UBE4B: variants seen among roughly 807,000 people sequenced by gnomAD.
The protein encoded by UBE4B is ubiquitin conjugation factor E4 B.
UBE4B carries 27 observed loss-of-function variants against 148.1 expected under a neutral mutation model. The observed-to-expected ratio is 0.18, with a 90% CI of 0.13 to 0.25. UBE4B has a LOEUF of 0.25. UBE4B is among the 10% of genes least tolerant of loss of function. The pLI is 1.00. For missense variants in UBE4B, 1,170 were observed against 1,662.4 expected, an observed-to-expected ratio of 0.70 and a Z score of 5.15; for synonymous variants, 596 against 619.3, an observed-to-expected ratio of 0.96 and a Z score of 0.56.
chr1:10,072,433 A>G, intron 2 of UBE4B: 1 of 652,370 alleles, frequency 1.5e-6, no homozygotes, highest in South Asian at 1.8e-5. Context: ...CATAACTTCC[A>G]TCTTTTTTTT....
intron 20 of UBE4B, among the ~76,000 whole-genome samples, chr1:10,150,977 T>C (rs373180782): frequency 0.029 from 4,358 of 149,336 alleles, 215 homozygotes; most frequent in African/African-American, 0.1. Flanking sequence ...CTGGCTAACA[T>C]GGTGAAACCC....
At position 10,072,164 on chromosome 1, in the gene UBE4B, G is replaced by T. The variant is rs1254275488; in HGVS notation, c.161G>T (p.Gly54Val). The change falls in exon 2 of 28, where the codon GGT becomes GTT. Residue 54 changes from glycine (G) to valine (V), a missense_variant. Transcript: ENST00000343090. ...ASAPGPSQSL[G>V]LNVHNMTPAT... ...GCCCCAGGACCCTCTCAGAGTCTTG[G>T]TCTCAATGTCCACAACATGACCCCA... 1.9e-6 allele frequency: 3 copies of T among 1,613,898 alleles called. No individual in the cohort carries two copies. Among genetic ancestry groups the T allele is most frequent in the East Asian group, 4.5e-5 (2 of 44,856 alleles).
At chr1:10,065,334 A>G (rs1570810218) in intron 1 of UBE4B, among the ~76,000 whole-genome samples, 1 of 152,142 alleles carries the variant, frequency 6.6e-6, no homozygotes. Context: ...TTATGGGGCA[A>G]GTGGCGGGAG....
At position 10,131,538 on chromosome 1, in the gene UBE4B, G is replaced by A. The variant is rs141125743; in HGVS notation, c.1911+725G>A. Among the ~76,000 whole-genome samples the A allele has an allele frequency of 2.2e-3, 334 of 151,798 alleles. 2 individuals are homozygous for A. Among genetic ancestry groups the A allele is most frequent in the African/African-American group, 8.0e-3 (331 of 41,476 alleles). Reference sequence around the variant, plus strand: ...AGGCTTGGGTAACTAAGGTAATTTTGATCATGGGAAAGAAGTAACAAAGCC... The same window carrying A: ...AGGCTTGGGTAACTAAGGTAATTTTAATCATGGGAAAGAAGTAACAAAGCC... On this transcript the variant is annotated intron_variant, in intron 14 of 27. Transcript: ENST00000343090.
At position 10,130,770 on chromosome 1, in the gene UBE4B, G is replaced by A. The variant is rs760112995; in HGVS notation, c.1868G>A (p.Arg623His). 5.6e-6 allele frequency: 9 copies of A among 1,614,132 alleles called. No homozygotes were observed. Among genetic ancestry groups the A allele is most frequent in the South Asian group, 1.1e-5 (1 of 91,084 alleles). Reference protein sequence around the residue: ...SGPAITLENTRVVSQSLQHYL... With the variant: ...SGPAITLENTHVVSQSLQHYL... ...CCTGCCATTACCCTGGAAAACACTCGTGTGGTTAGCCAATCATTGCAGCAT... is the reference window on the plus strand; with the variant it reads ...CCTGCCATTACCCTGGAAAACACTCATGTGGTTAGCCAATCATTGCAGCAT... Residue 623 changes from arginine (R) to histidine (H), a missense_variant, in exon 14 of 28, where the codon CGT (arginine) becomes CAT (histidine). Around this residue, in one of 6 missense-constraint regions of UBE4B, gnomAD observed 388 missense variants for 536.0 expected, o/e 0.72. Coordinates refer to ENST00000343090, the MANE Select transcript of UBE4B (RefSeq NM_001105562.3).
chr1:10,056,089 C>T (rs1416711064), intron 1 of UBE4B, among the ~76,000 whole-genome samples: 1 of 152,192 alleles, frequency 6.6e-6, no homozygotes, highest in Non-Finnish European at 1.5e-5. Context: ...AAAGTTTCTG[C>T]AGCAGGAAAC....
chr1:10,070,579 A>G (rs890342527), intron 1 of UBE4B, among the ~76,000 whole-genome samples: 1 of 151,966 alleles, frequency 6.6e-6, no homozygotes, highest in African/African-American at 2.4e-5. Flanking sequence ...TTATTTTCAA[A>G]TTTTATAGAA....
chr1:10,110,675 T>A (rs1645203366), intron 7 of UBE4B, among the ~76,000 whole-genome samples: 2 of 152,186 alleles, frequency 1.3e-5, no homozygotes, highest in South Asian at 4.1e-4. Flanking sequence ...GTGTTTGTTT[T>A]TTAACTGTAA....
In UBE4B at chr1:10,100,922, AG is replaced by A; in HGVS notation, c.348-185del. On this transcript the variant is annotated intron_variant, in intron 3 of 27. Coordinates refer to ENST00000343090, the MANE Select transcript of UBE4B (RefSeq NM_001105562.3). The stretch of plus-strand genomic sequence containing the variant: ...AGGAAAAATATTTCCAACATGTATA[AG>A]AGACAAATTGTTTAGATCCTAATTT... 1.4e-5 allele frequency: 8 copies of A among 585,154 alleles called. No homozygotes were observed. In the South Asian group the frequency reaches 1.8e-4, roughly 13 times the overall value. The allele number at this position is 585,154 out of a possible 1,614,324, so 36.2% of individuals were successfully genotyped here. A position where few individuals can be genotyped will look rare whatever the true frequency, so the allele number is the denominator to read the frequency against.
chr1:10,152,889 G>A (rs1437470395), intron 21 of UBE4B, among the ~76,000 whole-genome samples: 1 of 151,964 alleles, frequency 6.6e-6, no homozygotes, highest in Non-Finnish European at 1.5e-5. Flanking sequence ...CAAGGGAAGA[G>A]CCTGGGGATC....
At chr1:10,041,185 A>T (rs181645194) in intron 1 of UBE4B, among the ~76,000 whole-genome samples, 1 of 152,194 alleles carries the variant, frequency 6.6e-6, no homozygotes, top group East Asian at 1.9e-4. Context: ...AAGAAAATGG[A>T]GGCTAATAGA....
At chr1:10,102,546 G>A (rs185976631) in intron 4 of UBE4B, among the ~76,000 whole-genome samples, 20 of 151,518 alleles carry the variant, frequency 1.3e-4, no homozygotes, top group African/African-American at 2.9e-4. Flanking sequence ...AAGTAGCTCC[G>A]AGTAGCCAGG....
At chr1:10,142,170 T>C (rs761346515) in intron 17 of UBE4B, among the ~76,000 whole-genome samples, 17 of 152,252 alleles carry the variant, frequency 1.1e-4, no homozygotes, top group Non-Finnish European at 2.4e-4. Flanking sequence ...CAGTGTTCCA[T>C]CCTCAAATAC....
intron 10 of UBE4B, among the ~76,000 whole-genome samples, chr1:10,124,116 T>C (rs1305252671): frequency 6.6e-6 from 1 of 152,164 alleles, no homozygotes; most frequent in Non-Finnish European, 1.5e-5. Context: ...TGGCATTTAC[T>C]ACATTCACAG....
intron 1 of UBE4B, among the ~76,000 whole-genome samples, chr1:10,045,970 T>G (rs1643905246): frequency 6.6e-6 from 1 of 152,200 alleles, no homozygotes; most frequent in Non-Finnish European, 1.5e-5. Context: ...TAAATAGAAG[T>G]CTGGGTAGGA....
At chr1:10,177,065 G>A (rs1646439310) in intron 25 of UBE4B, among the ~76,000 whole-genome samples, 1 of 151,482 alleles carries the variant, frequency 6.6e-6, no homozygotes. Context: ...GGGATTACAG[G>A]CGTGAGCCAC....
At chr1:10,068,765 TCC>T (rs1353201740) in intron 1 of UBE4B, among the ~76,000 whole-genome samples, 3 of 152,194 alleles carry the variant, frequency 2.0e-5, no homozygotes, top group Non-Finnish European at 4.4e-5. Context: ...ATCCAGATAT[TCC>T]CAGGGCCTCA....
chr1:10,132,598 A>G (rs528564248), intron 15 of UBE4B, 116 bp downstream of exon 15: 5 of 774,694 alleles, frequency 6.5e-6, no homozygotes, highest in Admixed American at 5.7e-5. Flanking sequence ...TGAACAAGGT[A>G]GACGAGCTTC....
intron 5 of UBE4B, chr1:10,103,307 A>G (rs1052418888): frequency 5.5e-5 from 21 of 382,708 alleles, no homozygotes; most frequent in Admixed American, 1.9e-4. Flanking sequence ...CATGATTTCT[A>G]TAATACTATG....
Sources: allele counts gnomAD v4.1 joint callset (sites outside exome capture counted in the v4.1 genomes callset), GRCh38; gene constraint gnomAD v4.1.1; regional missense constraint gnomAD v4.1.1; transcripts MANE v1.5; gene names NCBI Gene and HGNC (gene_info 2026-07-23, HGNC 2026-07-21).